Variants in C20orf141 observed in about 807,000 individuals in gnomAD.
C20orf141 encodes the protein chromosome 20 open reading frame 141.
A neutral mutation model predicts 7.8 loss-of-function variants in C20orf141; 8 were observed. The observed-to-expected ratio is 1.03, with a 90% CI of 0.60 to 1.85. C20orf141 has a LOEUF of 1.85. Ranked by LOEUF, C20orf141 falls within the 40% of genes most tolerant of loss-of-function variation. The probability of loss-of-function intolerance (pLI) is 0.00; values close to 1 mark genes in which losing one functional copy is unlikely to be tolerated. For synonymous variants in C20orf141, 101 were observed against 90.8 expected (o/e 1.11, Z -0.64); for missense variants, 220 against 203.1 (o/e 1.08, Z -0.51).
rs1440709603 is a variant in C20orf141 at position 2,815,306 on chromosome 20, G to A, written c.122G>A (p.Gly41Asp). Reference sequence around the variant, plus strand: ...GTGCGTCCACCTGTATCCACCTGGGGCCCTAGCTGGGCCCAGCTCCTGGAC... The same window carrying A: ...GTGCGTCCACCTGTATCCACCTGGGACCCTAGCTGGGCCCAGCTCCTGGAC... The part of the protein sequence containing the change: ...SPVRPPVSTW[G>D]PSWAQLLDSV... The change falls in exon 2 of 3, where the codon GGC becomes GAC. Residue 41 changes from glycine (G) to aspartate (D), a missense_variant. Coordinates refer to ENST00000603872, the MANE Select transcript of C20orf141 (RefSeq NM_001256538.2). The A allele has an allele frequency of 1.2e-6, 2 of 1,610,594 alleles. No homozygotes were observed. The highest frequency in any genetic ancestry group is 2.2e-5 in the East Asian group (1 of 44,840).
rs765851219 is a variant in C20orf141 at position 2,815,383 on chromosome 20, A to G, written c.199A>G (p.Thr67Ala). 6.3e-7 allele frequency: 1 copy of G among 1,579,852 alleles called. No individual in the cohort carries two copies. Among genetic ancestry groups the G allele is most frequent in the Admixed American group, 1.7e-5 (1 of 57,344 alleles). ...LGLTIQAVFS[T>A]TGPALLLLLV... is the part of the protein sequence containing the mutation. Reference sequence around the variant, plus strand: ...ACTGACAATCCAGGCAGTCTTTTCCACCACTGGCCCAGCCCTGCTGCTGCT... The same window carrying G: ...ACTGACAATCCAGGCAGTCTTTTCCGCCACTGGCCCAGCCCTGCTGCTGCT... Residue 67 changes from threonine to alanine, a missense_variant, in exon 2 of 3, where the codon ACC (threonine) becomes GCC (alanine). By Grantham distance (58) the Thr-to-Ala change is moderately conservative. Coordinates refer to ENST00000603872, the MANE Select transcript of C20orf141 (RefSeq NM_001256538.2).
rs755806399 is a variant in C20orf141, at chr20:2,815,234, C to T, written c.50C>T (p.Pro17Leu). 3 of 1,613,992 alleles carry T rather than the reference C, an allele frequency of 1.9e-6. No individual in the cohort carries two copies. The highest frequency in any genetic ancestry group is 2.2e-5 in the East Asian group (1 of 44,900). ...CCCGAAGCACGTGAGGATCCGATCC[C>T]AGTTCCTCCAAGGGGCCTGGGTGCT... ...PRPEAREDPI[P>L]VPPRGLGAGE... Residue 17 changes from proline (P) to leucine (L), a missense_variant, in exon 2 of 3, where the codon CCA becomes CTA. By Grantham distance (98) the Pro-to-Leu change is moderately conservative (BLOSUM62 -3). Coordinates refer to ENST00000603872, the MANE Select transcript of C20orf141 (RefSeq NM_001256538.2).
rs981443009 is a variant in C20orf141 at position 2,815,032 on chromosome 20, C to G, written c.-34+15C>G. On this transcript the variant is annotated intron_variant, in intron 1 of 2. Coordinates refer to ENST00000603872, the MANE Select transcript of C20orf141 (RefSeq NM_001256538.2). ...AGTGGGAGGAGGTGAGGAGGGTTTG[C>G]TGGGTGGGTATGGGGGAGGGGGAGA... 6.2e-6 allele frequency: 6 copies of G among 968,328 alleles called. No homozygotes were observed. The highest frequency in any genetic ancestry group is 9.2e-6 in the Non-Finnish European group (6 of 649,960). The allele number at this position is 968,328 out of a possible 1,614,324, so 60.0% of individuals were successfully genotyped here. A position where few individuals can be genotyped will look rare whatever the true frequency, so the allele number is the denominator to read the frequency against.
chr20:2,815,830 A>C lies in C20orf141; in HGVS notation c.*55A>C. ...AAATATACAATGACCACCCTTCTTC[A>C]TCAGGCCCCCTTTTCTCCTTCCTGG... On this transcript the variant is annotated 3_prime_UTR_variant, in exon 3 of 3. Transcript: ENST00000603872. 2 of 1,439,728 alleles carry C rather than the reference A, an allele frequency of 1.4e-6. No homozygotes were observed. Among genetic ancestry groups the C allele is most frequent in the Non-Finnish European group, 1.9e-6 (2 of 1,050,258 alleles). 89.2% of individuals were successfully genotyped at this position (1,439,728 alleles called of 1,614,324 possible).
Position 2,815,787 on chromosome 20 carries a change from CA to C in C20orf141, c.*13del. On this transcript the variant is annotated 3_prime_UTR_variant, in exon 3 of 3. Transcript: ENST00000603872. ...ATCCTTGGGCCTGAGAGCCCCTCCC[CA>C]CAACTCAGTGTCCTTCAAATATACA... 1.9e-6 allele frequency: 3 copies of C among 1,598,534 alleles called. No individual in the cohort carries two copies. Among genetic ancestry groups the C allele is most frequent in the Non-Finnish European group, 2.6e-6 (3 of 1,171,766 alleles).
chr20:2,815,249 G>T lies in C20orf141; in HGVS notation c.65G>T (p.Gly22Val). The T allele has an allele frequency of 6.2e-7, 1 of 1,614,084 alleles. No homozygotes were observed. The highest frequency in any genetic ancestry group is 8.5e-7 in the Non-Finnish European group (1 of 1,179,988). The change falls in exon 2 of 3, where the codon GGC becomes GTC. Residue 22 changes from glycine to valine, a missense_variant. Transcript: ENST00000603872. ...REDPIPVPPR[G>V]LGAGEGSGSP... The stretch of plus-strand genomic sequence containing the variant: ...GATCCGATCCCAGTTCCTCCAAGGG[G>T]CCTGGGTGCTGGGGAGGGGTCAGGT...
Position 2,815,676 on chromosome 20 carries a change from A to ACTG in C20orf141, c.411_413dup (p.Leu138dup), listed in dbSNP as rs1212376098. The stretch of plus-strand genomic sequence containing the variant: ...CAGGACAACTTAGCCTCCAGGACGC[A>ACTG]CTGCTGCTGCTGCTCATGGGGCTGG... On this transcript the variant is annotated inframe_insertion, in exon 3 of 3. Transcript: ENST00000603872. 1.2e-6 allele frequency: 2 copies of ACTG among 1,614,032 alleles called. No homozygotes were observed.
chr20:2,815,499 A>C, intron 2 of C20orf141, 39 bp from the exon 3 acceptor site: 19 of 1,574,356 alleles, frequency 1.2e-5, no homozygotes, highest in Non-Finnish European at 1.6e-5. Context: ...GCCAGTGGAC[A>C]ACTTCCCTAA....
rs1278512621 is a variant in C20orf141, at chr20:2,815,602, G to A, written c.325G>A (p.Glu109Lys). Residue 109 changes from glutamate to lysine, a missense_variant, in exon 3 of 3, where the codon GAA becomes AAA. Physicochemically the swap from Glu to Lys is moderately conservative, Grantham distance 56 (BLOSUM62 1). Coordinates refer to ENST00000603872, the MANE Select transcript of C20orf141 (RefSeq NM_001256538.2). ...CAGGGGCCAGAGTCAGGGGGCCGGT[G>A]AAGGTCCTGGACAGCAGGAGGCTCT... is the stretch of plus-strand genomic sequence containing the variant. ...LTRGQSQGAG[E>K]GPGQQEALLL... 1.2e-6 allele frequency: 2 copies of A among 1,613,978 alleles called. No individual in the cohort carries two copies. The highest frequency in any genetic ancestry group is 2.7e-5 in the African/African-American group (2 of 74,916).
chr20:2,815,176 C>T lies in C20orf141; in HGVS notation c.-9C>T, dbSNP rs749124398. On this transcript the variant is annotated 5_prime_UTR_variant, in exon 2 of 3. Transcript: ENST00000603872. ...GCACTAGGTCTTCCCGTCACCTCCA[C>T]CTCTCTCCATGACCCGGCTCTGCTT... 1.2e-6 allele frequency: 2 copies of T among 1,613,810 alleles called. No homozygotes were observed. The highest frequency in any genetic ancestry group is 2.7e-5 in the African/African-American group (2 of 74,916).
At chr20:2,815,107 G>A (rs995741587) in intron 1 of C20orf141, 45 bp from the exon 2 acceptor site, 32 of 1,554,870 alleles carry the variant, frequency 2.1e-5, no homozygotes, top group South Asian at 5.9e-5. Flanking sequence ...CTGTCTGCCC[G>A]GGCCCTACCC....
Position 2,815,770 on chromosome 20 carries a change from G to A in C20orf141, c.493G>A (p.Ala165Thr), listed in dbSNP as rs747741679. Residue 165 changes from alanine (A) to threonine (T), a missense_variant, in exon 3 of 3, where the codon GCC becomes ACC. Coordinates refer to ENST00000603872, the MANE Select transcript of C20orf141 (RefSeq NM_001256538.2). ...CCTGGCTTTCTGCCTCCATCCTTGG[G>A]CCTGAGAGCCCCTCCCCACAACTCA... is the stretch of plus-strand genomic sequence containing the variant. ...LGLAFCLHPW[A>T] 10 of 1,608,972 alleles carry A rather than the reference G, an allele frequency of 6.2e-6. No homozygotes were observed. The highest frequency in any genetic ancestry group is 8.5e-6 in the Non-Finnish European group (10 of 1,178,788).
chr20:2,815,205 C>T lies in C20orf141; in HGVS notation c.21C>T (p.Pro7=), dbSNP rs200127783. Residue 7 remains proline, a synonymous_variant, in exon 2 of 3, where the codon CCC becomes CCT. Coordinates refer to ENST00000603872, the MANE Select transcript of C20orf141 (RefSeq NM_001256538.2). ...TCTCCATGACCCGGCTCTGCTTACCCAGACCCGAAGCACGTGAGGATCCGA... is the reference window on the plus strand; with the variant it reads ...TCTCCATGACCCGGCTCTGCTTACCTAGACCCGAAGCACGTGAGGATCCGA... MTRLCL[P]RPEAREDPIP... is the part of the protein sequence containing the mutation. 9.9e-6 allele frequency: 16 copies of T among 1,614,122 alleles called. No homozygotes were observed. Among genetic ancestry groups the T allele is most frequent in the Middle Eastern group, 1.7e-4 (1 of 6,060 alleles).
In C20orf141 at chr20:2,815,651, C is replaced by G. The variant is rs757585978; in HGVS notation, c.374C>G (p.Ser125Ter). 131 of 1,614,016 alleles carry G rather than the reference C, an allele frequency of 8.1e-5. 2 individuals are homozygous for G. In the South Asian group the frequency reaches 1.3e-3, roughly 16 times the overall value. Reference sequence around the variant, plus strand: ...CTACTCCTGCAAATGGGTACAGTCTCAGGACAACTTAGCCTCCAGGACGCA... The same window carrying G: ...CTACTCCTGCAAATGGGTACAGTCTGAGGACAACTTAGCCTCCAGGACGCA... ...EALLLQMGTV[S>*]GQLSLQDALL... The change falls in exon 3 of 3, where the codon TCA (serine) becomes TGA (stop). Residue 125 changes from serine to a stop codon, truncating the protein, a stop_gained. Transcript: ENST00000603872. LOFTEE classifies it high-confidence loss of function.
Position 2,815,365 on chromosome 20 carries a change from A to G in C20orf141, c.181A>G (p.Ile61Val). ...VLWLGALGLT[I>V]QAVFSTTGPA... is the part of the protein sequence containing the mutation. The stretch of plus-strand genomic sequence containing the variant: ...ATGGCTGGGGGCACTAGGACTGACA[A>G]TCCAGGCAGTCTTTTCCACCACTGG... The change falls in exon 2 of 3, where the codon ATC (isoleucine) becomes GTC (valine). Residue 61 changes from isoleucine to valine, a missense_variant. Ile to Val is a conservative substitution (Grantham distance 29). Coordinates refer to ENST00000603872, the MANE Select transcript of C20orf141 (RefSeq NM_001256538.2). The G allele has an allele frequency of 6.3e-7, 1 of 1,589,864 alleles. No homozygotes were observed. The highest frequency in any genetic ancestry group is 8.6e-7 in the Non-Finnish European group (1 of 1,165,708).
chr20:2,815,243 C>T lies in C20orf141; in HGVS notation c.59C>T (p.Pro20Leu). The change falls in exon 2 of 3, where the codon CCA becomes CTA. Residue 20 changes from proline to leucine, a missense_variant. Transcript: ENST00000603872. ...CGTGAGGATCCGATCCCAGTTCCTC[C>T]AAGGGGCCTGGGTGCTGGGGAGGGG... ...EAREDPIPVP[P>L]RGLGAGEGSG... 1 of 1,614,104 alleles carries T rather than the reference C, an allele frequency of 6.2e-7. No individual in the cohort carries two copies.
At position 2,815,373 on chromosome 20, in the gene C20orf141, A is replaced by C. The variant is rs772552150; in HGVS notation, c.189A>C (p.Ala63=). ...GGGCACTAGGACTGACAATCCAGGC[A>C]GTCTTTTCCACCACTGGCCCAGCCC... The part of the protein sequence containing the change: ...WLGALGLTIQ[A]VFSTTGPALL... The change falls in exon 2 of 3, where the codon GCA becomes GCC. Residue 63 remains alanine (A), a synonymous_variant. Coordinates refer to ENST00000603872, the MANE Select transcript of C20orf141 (RefSeq NM_001256538.2). 21 of 1,585,994 alleles carry C rather than the reference A, an allele frequency of 1.3e-5. No individual in the cohort carries two copies. The South Asian group carries it at 2.2e-4, about 16-fold the overall frequency.
rs1370948125 is a variant in C20orf141, at chr20:2,815,328, G to A, written c.144G>A (p.Leu48=). 1.2e-6 allele frequency: 2 copies of A among 1,606,402 alleles called. No homozygotes were observed. The highest frequency in any genetic ancestry group is 1.7e-6 in the Non-Finnish European group (2 of 1,175,286). Reference sequence around the variant, plus strand: ...GGGGCCCTAGCTGGGCCCAGCTCCTGGACAGTGTCCTATGGCTGGGGGCAC... The same window carrying A: ...GGGGCCCTAGCTGGGCCCAGCTCCTAGACAGTGTCCTATGGCTGGGGGCAC... ...STWGPSWAQL[L]DSVLWLGALG... The change falls in exon 2 of 3, where the codon CTG becomes CTA. Residue 48 remains leucine, a synonymous_variant. Transcript: ENST00000603872.
rs965101038 is a variant in C20orf141 at position 2,815,778 on chromosome 20, G to T, written c.*3G>T. 1.2e-6 allele frequency: 2 copies of T among 1,606,364 alleles called. No homozygotes were observed. The highest frequency in any genetic ancestry group is 1.3e-5 in the African/African-American group (1 of 74,824). On this transcript the variant is annotated 3_prime_UTR_variant, in exon 3 of 3. Transcript: ENST00000603872. ...TCTGCCTCCATCCTTGGGCCTGAGA[G>T]CCCCTCCCCACAACTCAGTGTCCTT...
Sources: gnomAD v4.1 joint callset for allele counts on GRCh38, gnomAD v4.1.1 for gene constraint, MANE v1.5 for transcripts, NCBI Gene and HGNC (gene_info 2026-07-23, HGNC 2026-07-21) for gene names.